Variants in CPNE4 observed in about 807,000 individuals in gnomAD.
CPNE4 encodes copine 4.
In CPNE4, 25 loss-of-function variants were observed where a neutral mutation model predicts 67.9. The observed-to-expected ratio is 0.37, with a 90% confidence interval of 0.27 to 0.51. CPNE4 has a LOEUF of 0.51. Among genes scored for constraint, CPNE4 ranks in the 20% least tolerant of loss-of-function variants. The pLI, the probability that CPNE4 is intolerant of heterozygous loss-of-function variation, is 0.93. For missense variants in CPNE4, 464 were observed against 690.8 expected (o/e 0.67, Z 3.68); for synonymous variants, 242 against 244.9 (o/e 0.99, Z 0.11).
chr3:131,959,332 T>C (rs1320208578), intron 1 of CPNE4, among the ~76,000 whole-genome samples: 1 of 151,142 alleles, frequency 6.6e-6, no homozygotes, highest in Non-Finnish European at 1.5e-5. Flanking sequence ...TTATCCTATA[T>C]ATAATATAGA....
At chr3:132,005,330 T>C (rs1441356129) in intron 1 of CPNE4, among the ~76,000 whole-genome samples, 2 of 28,360 alleles carry the variant, frequency 7.1e-5, no homozygotes, top group Admixed American at 2.9e-4. Context: ...TATATATATA[T>C]ATATATATAT....
intron 7 of CPNE4, among the ~76,000 whole-genome samples, chr3:131,669,069 G>A (rs950373918): frequency 1.3e-5 from 2 of 152,046 alleles, no homozygotes; most frequent in Admixed American, 6.5e-5. Context: ...TGCATTCTTC[G>A]AACCCTAAGT....
intron 5 of CPNE4, among the ~76,000 whole-genome samples, chr3:131,688,270 C>A (rs531186124): frequency 1.3e-5 from 2 of 152,288 alleles, no homozygotes; most frequent in South Asian, 4.1e-4. Flanking sequence ...ACATCCGCTA[C>A]TACTCTATTT....
chr3:131,984,909 GCTTTCTTCT>G (rs2073005287), intron 1 of CPNE4, among the ~76,000 whole-genome samples: 1 of 152,230 alleles, frequency 6.6e-6, no homozygotes, highest in South Asian at 2.1e-4. Flanking sequence ...CTCCTTGTTG[GCTTTCTTCT>G]CTTTCTTGTC....
chr3:131,534,979 C>G lies in CPNE4; in HGVS notation c.*216G>C, dbSNP rs951679744. ...TAGTAAGTTATTGTTATCTGTGTTT[C>G]TTTGTAAAAAGTTAACAATACAAGG... On this transcript the variant is annotated 3_prime_UTR_variant, in exon 16 of 16. Transcript: ENST00000429747. The G allele has an allele frequency of 5.3e-6, 2 of 377,318 alleles. No individual in the cohort carries two copies. The highest frequency in any genetic ancestry group is 4.4e-5 in the Admixed American group (1 of 22,596). 23.4% of individuals were successfully genotyped at this position (377,318 alleles called of 1,614,324 possible).
rs141173456 is a variant in CPNE4, at chr3:131,991,701, A to T, written c.-2+42866T>A. Among the ~76,000 whole-genome samples, 32 of 135,702 alleles carry T rather than the reference A, an allele frequency of 2.4e-4. 3 individuals carry two copies. Among genetic ancestry groups the T allele is most frequent in the Non-Finnish European group, 5.2e-4 (31 of 59,752 alleles). The allele number at this position is 135,702 out of a possible 152,430, so 89.0% of individuals were successfully genotyped here. A position where few individuals can be genotyped will look rare whatever the true frequency, so the allele number is the denominator to read the frequency against. On this transcript the variant is annotated intron_variant, in intron 1 of 15. Transcript: ENST00000429747. Reference sequence around the variant, plus strand: ...GTAAGTAATCACCAAGAAAATGGGGAAAATGTCTCCAGGGCATGTCAGAGA... The same window carrying T: ...GTAAGTAATCACCAAGAAAATGGGGTAAATGTCTCCAGGGCATGTCAGAGA...
chr3:131,632,229 C>T (rs1432982611), intron 7 of CPNE4, among the ~76,000 whole-genome samples: 3 of 151,920 alleles, frequency 2.0e-5, no homozygotes, highest in Non-Finnish European at 4.4e-5. Context: ...AGGCTGGTCT[C>T]GAACTCGTGA....
chr3:131,593,541 C>G (rs1938663568), intron 7 of CPNE4, among the ~76,000 whole-genome samples: 1 of 152,140 alleles, frequency 6.6e-6, no homozygotes, highest in Non-Finnish European at 1.5e-5. Flanking sequence ...TCCTGAATTA[C>G]TTTATTAGAT....
chr3:131,694,767 G>A (rs115327634), intron 5 of CPNE4, among the ~76,000 whole-genome samples: 1,689 of 152,282 alleles, frequency 0.011, 30 homozygotes, highest in African/African-American at 0.038. Flanking sequence ...AGGCATGTGC[G>A]TAGAGCTAGT....
chr3:131,911,557 GT>G (rs1446120783), intron 1 of CPNE4, among the ~76,000 whole-genome samples: 1 of 95,386 alleles, frequency 1.0e-5, no homozygotes, highest in East Asian at 2.6e-4. Context: ...GTGTGTGTGT[GT>G]GTGTGTGTGT....
chr3:132,015,126 G>C (rs9827029), intron 1 of CPNE4, among the ~76,000 whole-genome samples: 99,935 of 151,920 alleles, frequency 0.66, 33,709 homozygotes, highest in South Asian at 0.74. Flanking sequence ...AGTCAAAGAA[G>C]TTATACTCTG....
chr3:131,885,633 T>G (rs1374372516), intron 2 of CPNE4, among the ~76,000 whole-genome samples: 1 of 152,136 alleles, frequency 6.6e-6, no homozygotes, highest in Non-Finnish European at 1.5e-5. Context: ...GCTGGTGTGC[T>G]GCACCCACTA....
intron 1 of CPNE4, among the ~76,000 whole-genome samples, chr3:131,980,110 C>A (rs1422597196): frequency 1.3e-5 from 2 of 152,118 alleles, no homozygotes; most frequent in Non-Finnish European, 2.9e-5. Flanking sequence ...TGGTCCTTCT[C>A]TCTCACAGCT....
At chr3:131,577,093 T>G (rs1459026542) in intron 9 of CPNE4, among the ~76,000 whole-genome samples, 1 of 151,978 alleles carries the variant, frequency 6.6e-6, no homozygotes, top group Non-Finnish European at 1.5e-5. Context: ...AAAAGATTAA[T>G]ACAATGGCCA....
intron 3 of CPNE4, among the ~76,000 whole-genome samples, chr3:131,700,397 G>A (rs796687549): frequency 2.0e-5 from 3 of 152,200 alleles, no homozygotes; most frequent in African/African-American, 7.2e-5. Context: ...GAACTAAAGG[G>A]CTAAATATAA....
intron 1 of CPNE4, among the ~76,000 whole-genome samples, chr3:132,028,568 A>C (rs2074166890): frequency 6.6e-6 from 1 of 152,212 alleles, no homozygotes; most frequent in Non-Finnish European, 1.5e-5. Flanking sequence ...TTTAAAAATA[A>C]AATGGTGATA....
At chr3:131,700,964 AACCAT>A (rs1249708817) in intron 3 of CPNE4, among the ~76,000 whole-genome samples, 1 of 151,928 alleles carries the variant, frequency 6.6e-6, no homozygotes, top group Non-Finnish European at 1.5e-5. Context: ...TGAAGCTGGA[AACCAT>A]GATTCTCAGC....
chr3:131,899,240 G>A (rs186672730), intron 2 of CPNE4, among the ~76,000 whole-genome samples: 2 of 152,060 alleles, frequency 1.3e-5, no homozygotes, highest in East Asian at 3.9e-4. Flanking sequence ...AGTGAAGCAG[G>A]CTGGCTAGCA....
At chr3:131,767,759 A>G (rs567864861) in intron 2 of CPNE4, among the ~76,000 whole-genome samples, 1 of 145,254 alleles carries the variant, frequency 6.9e-6, no homozygotes, top group Non-Finnish European at 1.5e-5. Context: ...TACCCCAAAC[A>G]TTCACACTCA....
Sources: allele counts gnomAD v4.1 joint callset (sites outside exome capture counted in the v4.1 genomes callset), GRCh38; gene constraint gnomAD v4.1.1; transcripts MANE v1.5; gene names NCBI Gene and HGNC (gene_info 2026-07-23, HGNC 2026-07-21).